The following MCCC2 variants were observed in gnomAD, a reference collection of about 807,000 sequenced individuals.
MCCC2 encodes methylcrotonyl-CoA carboxylase subunit 2.
A neutral mutation model predicts 77.2 loss-of-function variants in MCCC2; 52 were observed. The ratio of observed to expected loss-of-function variants is 0.67; its 90% CI spans 0.54 to 0.85. The LOEUF is 0.85. Ranked by LOEUF, MCCC2 falls within the 40% of genes least tolerant of loss-of-function variation. MCCC2 has a pLI of 0.00. For missense variants in MCCC2, 682 were observed against 703.2 expected (o/e 0.97, Z 0.34); for synonymous variants, 253 against 248.4 (o/e 1.02, Z -0.18).
At chr5:71,613,522 G>A (rs376229913) in intron 6 of MCCC2, among the ~76,000 whole-genome samples, 5 of 152,088 alleles carry the variant, frequency 3.3e-5, no homozygotes, top group South Asian at 2.1e-4. Context: ...AGGGCTGGGC[G>A]TGGTGGCTCA....
At chr5:71,634,837 A>G in intron 8 of MCCC2, 106 bp from the exon 9 acceptor site, 1 of 992,590 alleles carries the variant, frequency 1.0e-6, no homozygotes, top group Non-Finnish European at 1.6e-6. Context: ...GTGTTTTAGA[A>G]GTAAAAGTGC....
chr5:71,598,511 C>T (rs553898421), intron 3 of MCCC2, among the ~76,000 whole-genome samples: 274 of 150,060 alleles, frequency 1.8e-3, no homozygotes, highest in Non-Finnish European at 3.1e-3. Context: ...ATGATCTCAG[C>T]TCACTGAAAC....
At position 71,605,344 on chromosome 5, in the gene MCCC2, AT is replaced by A. The variant is rs908462667; in HGVS notation, c.624+882del. On this transcript the variant is annotated intron_variant, in intron 6 of 16. Transcript: ENST00000340941. ...TCTCTGATGGCCAGTGATGACGAGCATTTTTTCATGTGTTTTTTGGCTGCAT... is the reference window on the plus strand; with the variant it reads ...TCTCTGATGGCCAGTGATGACGAGCATTTTTCATGTGTTTTTTGGCTGCAT... 5.9e-5 allele frequency among the ~76,000 whole-genome samples: 9 copies of A among 151,278 alleles called. No individual in the cohort carries two copies. The East Asian group carries it at 1.2e-3, about 20-fold the overall frequency.
intron 16 of MCCC2, among the ~76,000 whole-genome samples, chr5:71,655,065 C>T (rs1747544647): frequency 1.3e-5 from 2 of 152,166 alleles, no homozygotes; most frequent in African/African-American, 2.4e-5. Flanking sequence ...AACTCCCAAC[C>T]TCAGGTGATC....
chr5:71,633,125 A>ATTTTTTTTT lies in MCCC2; in HGVS notation c.803+941_803+942insTTTTTTTTT, dbSNP rs1398247533. Among the ~76,000 whole-genome samples, 232 of 42,838 alleles carry ATTTTTTTTT rather than the reference A, an allele frequency of 5.4e-3. 10 individuals are homozygous for ATTTTTTTTT. The highest frequency in any genetic ancestry group is 0.017 in the Middle Eastern group (1 of 60). 28.1% of individuals were successfully genotyped at this position (42,838 alleles called of 152,430 possible). A position where few individuals can be genotyped will look rare whatever the true frequency, so the allele number is the denominator to read the frequency against. Reference sequence around the variant, plus strand: ...TATATATATATATATATATATATATATATATATTTTTATTTTTTGTAGAAA... The same window carrying ATTTTTTTTT: ...TATATATATATATATATATATATATATTTTTTTTTTATATATTTTTATTTTTTGTAGAAA... On this transcript the variant is annotated intron_variant, in intron 8 of 16. Transcript: ENST00000340941.
At chr5:71,603,387 G>A (rs527862123) in intron 5 of MCCC2, among the ~76,000 whole-genome samples, 2 of 125,026 alleles carry the variant, frequency 1.6e-5, no homozygotes, top group Non-Finnish European at 3.1e-5. Flanking sequence ...CTGTACTCCA[G>A]CCTGGGCGAC....
rs750505090 is a variant in MCCC2, at chr5:71,635,268, A to G, written c.999+22A>G. ...AGAGGTATGTGAAAGTGGAACTGTGAGCTTTATGACCAGCTGTGAGTCTCT... is the reference window on the plus strand; with the variant it reads ...AGAGGTATGTGAAAGTGGAACTGTGGGCTTTATGACCAGCTGTGAGTCTCT... On this transcript the variant is annotated intron_variant, in intron 10 of 16. Coordinates refer to ENST00000340941, the MANE Select transcript of MCCC2 (RefSeq NM_022132.5). 13 of 1,600,168 alleles carry G rather than the reference A, an allele frequency of 8.1e-6. No homozygotes were observed. In the South Asian group the frequency reaches 1.2e-4, roughly 15 times the overall value.
At position 71,656,910 on chromosome 5, in the gene MCCC2, G is replaced by T; in HGVS notation, c.*50G>T. On this transcript the variant is annotated 3_prime_UTR_variant, in exon 17 of 17. Coordinates refer to ENST00000340941, the MANE Select transcript of MCCC2 (RefSeq NM_022132.5). ...GGACATGTACTGAAAATTAACACAT[G>T]TAGTAGCCTTAAAATTTTAGACTTC... 7.1e-7 allele frequency: 1 copy of T among 1,403,950 alleles called. No individual in the cohort carries two copies. Among genetic ancestry groups the T allele is most frequent in the South Asian group, 1.2e-5 (1 of 86,772 alleles). The allele number at this position is 1,403,950 out of a possible 1,614,324, so 87.0% of individuals were successfully genotyped here.
At position 71,635,038 on chromosome 5, in the gene MCCC2, T is replaced by C; in HGVS notation, c.899T>C (p.Leu300Ser). ...VVRNLNYQKK[L>S]DVTIEPSEEP... ...AGGAATCTAAATTATCAGAAGAAAT[T>C]GGATGTGAGTACGATATGTTCTTAT... Residue 300 changes from leucine (L) to serine (S), a missense_variant, in exon 9 of 17, where the codon TTG becomes TCG. Coordinates refer to ENST00000340941, the MANE Select transcript of MCCC2 (RefSeq NM_022132.5). 6.2e-7 allele frequency: 1 copy of C among 1,614,010 alleles called. No individual in the cohort carries two copies. The highest frequency in any genetic ancestry group is 1.6e-4 in the Middle Eastern group (1 of 6,062).
intron 6 of MCCC2, among the ~76,000 whole-genome samples, chr5:71,607,057 C>T (rs1745710456): frequency 6.6e-6 from 1 of 151,132 alleles, no homozygotes; most frequent in African/African-American, 2.4e-5. Flanking sequence ...TGTGTCTCTG[C>T]CCGGCTTTGG....
chr5:71,646,233 G>C lies in MCCC2; in HGVS notation c.1172G>C (p.Cys391Ser). ...AKKGTHFVQL[C>S]CQRNIPLLFL... ...TAGGGTACTCACTTTGTCCAGTTAT[G>C]CTGCCAAAGAAATATTCCTCTGCTG... is the stretch of plus-strand genomic sequence containing the variant. The change falls in exon 13 of 17, where the codon TGC (cysteine) becomes TCC (serine). Residue 391 changes from cysteine to serine, a missense_variant. Coordinates refer to ENST00000340941, the MANE Select transcript of MCCC2 (RefSeq NM_022132.5). 1 of 1,613,720 alleles carries C rather than the reference G, an allele frequency of 6.2e-7. No individual in the cohort carries two copies. The highest frequency in any genetic ancestry group is 1.3e-5 in the African/African-American group (1 of 74,996).
intron 6 of MCCC2, among the ~76,000 whole-genome samples, chr5:71,608,525 T>C (rs1485371237): frequency 6.6e-6 from 1 of 150,656 alleles, no homozygotes; most frequent in Non-Finnish European, 1.5e-5. Context: ...CTTGACTCTT[T>C]ATCCAGTTTG....
intron 6 of MCCC2, 75 bp downstream of exon 6, chr5:71,604,543 T>G (rs1561825517): frequency 8.7e-7 from 1 of 1,144,748 alleles, no homozygotes. Context: ...TACTCTGGGA[T>G]GGCTTGAAAG....
At chr5:71,636,992 C>T (rs1746955889) in intron 10 of MCCC2, among the ~76,000 whole-genome samples, 1 of 152,034 alleles carries the variant, frequency 6.6e-6, no homozygotes, top group African/African-American at 2.4e-5. Context: ...GATCCGCCCA[C>T]CTCAGCCTTC....
Position 71,650,134 on chromosome 5 carries a change from A to G in MCCC2, c.1439A>G (p.Asn480Ser), listed in dbSNP as rs115328026. 4.4e-4 allele frequency: 712 copies of G among 1,614,198 alleles called. 6 individuals are homozygous for G. In the African/African-American group the frequency reaches 8.5e-3, roughly 19 times the overall value. ...ISVMGGEQAANVLATITKDQR... is the reference protein window; with the variant it reads ...ISVMGGEQAASVLATITKDQR... Reference sequence around the variant, plus strand: ...GTGATGGGAGGAGAGCAGGCAGCCAATGTGTTGGCCACGATAACAAAGGAC... The same window carrying G: ...GTGATGGGAGGAGAGCAGGCAGCCAGTGTGTTGGCCACGATAACAAAGGAC... The change falls in exon 15 of 17, where the codon AAT becomes AGT. Residue 480 changes from asparagine (N) to serine (S), a missense_variant. Physicochemically the swap from Asn to Ser is conservative, Grantham distance 46. Transcript: ENST00000340941.
intron 2 of MCCC2, among the ~76,000 whole-genome samples, chr5:71,594,142 T>G (rs1298142208): frequency 6.6e-6 from 1 of 152,182 alleles, no homozygotes. Context: ...CTTGCTGAAA[T>G]GAAAGTGTTT....
At position 71,643,083 on chromosome 5, in the gene MCCC2, C is replaced by A. The variant is rs1369705022; in HGVS notation, c.1073-736C>A. Among the ~76,000 whole-genome samples the A allele has an allele frequency of 3.3e-5, 5 of 149,554 alleles. No homozygotes were observed. The East Asian group carries it at 8.0e-4, about 24-fold the overall frequency. On this transcript the variant is annotated intron_variant, in intron 11 of 16. Coordinates refer to ENST00000340941, the MANE Select transcript of MCCC2 (RefSeq NM_022132.5). ...GCCAGAGTAAAGAAGAAAAAAAAAA[C>A]AAATCTTTAAAGATTCAGGCTGGGC...
At position 71,612,033 on chromosome 5, in the gene MCCC2, C is replaced by T. The variant is rs559448353; in HGVS notation, c.624+7565C>T. 2.8e-4 allele frequency among the ~76,000 whole-genome samples: 43 copies of T among 151,638 alleles called. No homozygotes were observed. The South Asian group carries it at 7.1e-3, about 25-fold the overall frequency. ...TCGATCTCCTGACCTCGTGATCTGC[C>T]GACCTCGTGATCCGCCCGCCTCGGC... On this transcript the variant is annotated intron_variant, in intron 6 of 16. Transcript: ENST00000340941.
intron 6 of MCCC2, among the ~76,000 whole-genome samples, chr5:71,610,409 C>T (rs917286932): frequency 6.6e-6 from 1 of 152,194 alleles, no homozygotes; most frequent in African/African-American, 2.4e-5. Flanking sequence ...TGAGGCAATG[C>T]CTCGCCCTGC....
Sources: allele counts gnomAD v4.1 joint callset (sites outside exome capture counted in the v4.1 genomes callset), GRCh38; gene constraint gnomAD v4.1.1; transcripts MANE v1.5; gene names NCBI Gene and HGNC (gene_info 2026-07-23, HGNC 2026-07-21).